The following EPB41 variants were observed in gnomAD, a reference collection of about 807,000 sequenced individuals.
The protein encoded by EPB41 is erythrocyte membrane protein band 4.1.
In EPB41, 65 loss-of-function variants were observed where a neutral mutation model predicts 108.0. That is an observed-to-expected ratio of 0.60 (90% CI 0.49 to 0.74). EPB41 has a LOEUF of 0.74. Ranked by LOEUF, EPB41 falls within the 30% of genes least tolerant of loss-of-function variation. The pLI is 0.00. For missense variants in EPB41, 875 were observed against 1,037.0 expected (o/e 0.84, Z 2.15); for synonymous variants, 336 against 358.9 (o/e 0.94, Z 0.72).
chr1:28,983,933 A>T (rs1340076865), intron 1 of EPB41, among the ~76,000 whole-genome samples: 1 of 151,352 alleles, frequency 6.6e-6, no homozygotes, highest in African/African-American at 2.4e-5. Context: ...TGTCCAGGAA[A>T]AATGAGGTCA....
chr1:28,942,556 C>T (rs2094330576), intron 1 of EPB41, among the ~76,000 whole-genome samples: 2 of 152,226 alleles, frequency 1.3e-5, no homozygotes, highest in Admixed American at 6.5e-5. Context: ...GGACATGGAG[C>T]TACCTTGCCC....
Position 29,097,805 on chromosome 1 carries a change from A to G in EPB41, c.2185-2A>G. The G allele has an allele frequency of 1.2e-6, 2 of 1,613,944 alleles. No homozygotes were observed. Among genetic ancestry groups the G allele is most frequent in the Non-Finnish European group, 1.7e-6 (2 of 1,179,842 alleles). ...AGTAACTCTTTCCTTACTGCTTCAC[A>G]GCCTCCCCTGGTGAAGACACAAACT... is the stretch of plus-strand genomic sequence containing the variant. On this transcript the variant is annotated splice_acceptor_variant, in intron 16 of 20. Transcript: ENST00000343067. LOFTEE classifies it high-confidence loss of function.
At chr1:28,979,546 T>C (rs1443007348) in intron 1 of EPB41, among the ~76,000 whole-genome samples, 1 of 151,510 alleles carries the variant, frequency 6.6e-6, no homozygotes, top group Admixed American at 6.6e-5. Context: ...CTTGTCGATA[T>C]TGAGGTTCCT....
At chr1:28,936,457 C>T (rs2094031939) in intron 1 of EPB41, among the ~76,000 whole-genome samples, 3 of 152,182 alleles carry the variant, frequency 2.0e-5, no homozygotes, top group Admixed American at 1.3e-4. Context: ...TTCAAATGTA[C>T]AATTCAGTGG....
chr1:29,068,206 C>T (rs533354653), intron 16 of EPB41, among the ~76,000 whole-genome samples: 37 of 152,256 alleles, frequency 2.4e-4, no homozygotes, highest in African/African-American at 8.2e-4. Flanking sequence ...AATGCCTTGT[C>T]GCTATTTCAC....
chr1:29,055,505 G>T (rs1013857429), intron 12 of EPB41, among the ~76,000 whole-genome samples: 4 of 151,930 alleles, frequency 2.6e-5, no homozygotes, highest in Non-Finnish European at 4.4e-5. Context: ...GCCAATAGGG[G>T]GTCTTTGTTG....
chr1:29,070,240 T>C (rs1277929737), intron 16 of EPB41: 2 of 769,758 alleles, frequency 2.6e-6, no homozygotes, highest in African/African-American at 3.6e-5. Flanking sequence ...AAAGCTAAAA[T>C]GAAGAGTGTC....
chr1:28,960,838 G>C (rs1276746600), intron 1 of EPB41, among the ~76,000 whole-genome samples: 2 of 151,934 alleles, frequency 1.3e-5, no homozygotes, highest in Non-Finnish European at 2.9e-5. Context: ...TTCAAGACCA[G>C]CCTGGCCAAC....
chr1:29,109,206 A>G, intron 17 of EPB41, 130 bp from the exon 18 acceptor site: 1 of 745,344 alleles, frequency 1.3e-6, no homozygotes, highest in Non-Finnish European at 2.3e-6. Context: ...CTCAAAAAAA[A>G]AAAAAGAGGT....
intron 1 of EPB41, among the ~76,000 whole-genome samples, chr1:28,888,785 G>A (rs1487416592): frequency 2.0e-5 from 3 of 152,086 alleles, no homozygotes; most frequent in East Asian, 1.9e-4. Context: ...CCGCCACCGC[G>A]CCCGGCTAAT....
chr1:28,940,046 A>G (rs1351293953), intron 1 of EPB41, among the ~76,000 whole-genome samples: 1 of 152,088 alleles, frequency 6.6e-6, no homozygotes, highest in African/African-American at 2.4e-5. Context: ...CTCAACTTGG[A>G]TGCTTCAGTC....
chr1:28,926,325 T>A (rs896104763), intron 1 of EPB41, among the ~76,000 whole-genome samples: 1 of 152,216 alleles, frequency 6.6e-6, no homozygotes, highest in Non-Finnish European at 1.5e-5. Context: ...ATTTTGATGA[T>A]TAAATGGATT....
intron 1 of EPB41, among the ~76,000 whole-genome samples, chr1:28,917,701 C>T (rs773382050): frequency 7.2e-5 from 11 of 152,106 alleles, no homozygotes; most frequent in Non-Finnish European, 1.6e-4. Flanking sequence ...CCACCTGAGC[C>T]TCCTGAGCAG....
intron 4 of EPB41, among the ~76,000 whole-genome samples, chr1:29,008,863 A>G (rs2149874431): frequency 6.6e-6 from 1 of 152,200 alleles, no homozygotes; most frequent in East Asian, 1.9e-4. Context: ...GTGCCTTTCT[A>G]ATTATTTCGT....
chr1:29,055,866 T>C (rs544278907), intron 12 of EPB41, among the ~76,000 whole-genome samples: 205 of 142,248 alleles, frequency 1.4e-3, no homozygotes, highest in Non-Finnish European at 2.1e-3. Context: ...AGGCAGAGGT[T>C]GCAGTGAGCT....
At chr1:28,937,469 A>G (rs549580442) in intron 1 of EPB41, among the ~76,000 whole-genome samples, 5 of 152,222 alleles carry the variant, frequency 3.3e-5, no homozygotes, top group African/African-American at 1.2e-4. Flanking sequence ...ATCTAGGCTT[A>G]CTGCAACCTC....
At chr1:28,958,620 CT>C (rs1203401661) in intron 1 of EPB41, among the ~76,000 whole-genome samples, 1 of 151,754 alleles carries the variant, frequency 6.6e-6, no homozygotes, top group African/African-American at 2.4e-5. Flanking sequence ...GAAACCAAGC[CT>C]GGGCAACATG....
intron 7 of EPB41, among the ~76,000 whole-genome samples, chr1:29,026,344 T>C (rs1185681076): frequency 6.6e-6 from 1 of 152,194 alleles, no homozygotes; most frequent in African/African-American, 2.4e-5. Context: ...AACTGGAGGC[T>C]TCAATGTGAA....
chr1:29,083,064 T>G (rs1033922793), intron 16 of EPB41, among the ~76,000 whole-genome samples: 3 of 152,132 alleles, frequency 2.0e-5, no homozygotes, highest in Admixed American at 2.0e-4. Flanking sequence ...AAATGTAATC[T>G]TTATATACCA....
Sources: allele counts gnomAD v4.1 joint callset (sites outside exome capture counted in the v4.1 genomes callset), GRCh38; gene constraint gnomAD v4.1.1; transcripts MANE v1.5; gene names NCBI Gene and HGNC (gene_info 2026-07-23, HGNC 2026-07-21).